Variants in EOLA2 observed in about 807,000 individuals in gnomAD.
The protein encoded by EOLA2 is endothelium and lymphocyte associated ASCH domain 2.
Under a neutral mutation model 4.1 loss-of-function variants are expected in EOLA2, and 3 were observed. The ratio of observed to expected loss-of-function variants is 0.73; its 90% CI spans 0.33 to 1.89. The LOEUF is 1.89. Among genes scored for constraint, EOLA2 ranks in the 40% most tolerant of loss-of-function variants. EOLA2 has a pLI of 0.08. For synonymous variants in EOLA2, 52 were observed against 51.7 expected (o/e 1.01, Z -0.03); for missense variants, 109 against 126.4 (o/e 0.86, Z 0.66).
chrX:149,932,571 G>C lies in EOLA2; in HGVS notation c.450C>G (p.His150Gln), dbSNP rs2090891322. 2 of 1,206,164 alleles carry C rather than the reference G, an allele frequency of 1.7e-6. No homozygotes were observed. Among genetic ancestry groups the C allele is most frequent in the Non-Finnish European group, 2.2e-6 (2 of 892,801 alleles). The stretch of plus-strand genomic sequence containing the variant: ...ACACTTCATGCCCCAAAGGGATCAG[G>C]TGCTCTGGGATGTCTACCTGGAATA... ...KDVFQVDIPE[H>Q]LIPLGHEV The change falls in exon 5 of 5, where the codon CAC (histidine) becomes CAG (glutamine). Residue 150 changes from histidine (H) to glutamine (Q), a missense_variant. Transcript: ENST00000370406.
At chrX:149,934,397 G>C in intron 2 of EOLA2, 1 of 720,318 alleles carries the variant, frequency 1.4e-6, no homozygotes, top group Non-Finnish European at 1.6e-6. Flanking sequence ...CCTACTCCAG[G>C]GCTGCTGAGC....
At chrX:149,935,589 C>A (rs1391733072) in intron 2 of EOLA2, among the ~76,000 whole-genome samples, 1 of 88,234 alleles carries the variant, frequency 1.1e-5, no homozygotes, top group Non-Finnish European at 2.2e-5. Flanking sequence ...TCATGCCAGT[C>A]CTGTCTTCAT....
At chrX:149,931,537 T>G (rs2090872986), downstream of EOLA2, among the ~76,000 whole-genome samples, 1 of 99,199 alleles carries the variant, frequency 1.0e-5, no homozygotes, top group East Asian at 3.2e-4. Context: ...TCCGGCAATA[T>G]CTTCCTGTAT....
At chrX:149,931,839 T>TA (rs1321123828), downstream of EOLA2, among the ~76,000 whole-genome samples, 2 of 77,457 alleles carry the variant, frequency 2.6e-5, no homozygotes, top group Non-Finnish European at 5.3e-5. Flanking sequence ...TACTACAAAA[T>TA]AAAACAACAC....
chrX:149,937,649 T>C (rs1743444610), intron 1 of EOLA2, 169 bp from the exon 2 acceptor site: 1 of 113,838 alleles, frequency 8.8e-6, no homozygotes, highest in Non-Finnish European at 1.9e-5. Flanking sequence ...GTTCTGCTAA[T>C]CAGAGCGGTG....
At chrX:149,934,387 C>T (rs2090943011) in intron 2 of EOLA2, 3 of 696,653 alleles carry the variant, frequency 4.3e-6, no homozygotes, top group Non-Finnish European at 3.4e-6. Context: ...CTTCCCAGCT[C>T]CTACTCCAGG....
downstream of EOLA2, among the ~76,000 whole-genome samples, chrX:149,931,461 C>G (rs1366710437): frequency 9.3e-6 from 1 of 107,196 alleles, no homozygotes; most frequent in East Asian, 2.9e-4. Context: ...GTGTCGAGGC[C>G]AAGCCCAGGA....
At position 149,933,788 on chromosome X, in the gene EOLA2, A is replaced by T. The variant is rs626113; in HGVS notation, c.87T>A (p.Pro29=). The change falls in exon 4 of 5, where the codon CCT becomes CCA. Residue 29 remains proline, a synonymous_variant. Coordinates refer to ENST00000370406, the MANE Select transcript of EOLA2 (RefSeq NM_001013845.2). ...TACAGTTCCGCTGGCTGCTCAGCAG[A>T]GGACGCCAGCGCGTCTCCACAGTCT... ...GIKTVETRWR[P]LLSSQRNCTI... is the part of the protein sequence containing the mutation. 1.3e-5 allele frequency: 15 copies of T among 1,190,530 alleles called. No homozygotes were observed. The African/African-American group carries it at 1.9e-4, about 15-fold the overall frequency.
chrX:149,934,190 A>G, intron 2 of EOLA2, 53 bp from the exon 3 acceptor site: 1 of 934,570 alleles, frequency 1.1e-6, no homozygotes, highest in Non-Finnish European at 1.3e-6. Flanking sequence ...GACAGAGGTC[A>G]CCGAGCCCTA....
At chrX:149,934,334 A>G in intron 2 of EOLA2, 197 bp from the exon 3 acceptor site, 3 of 554,071 alleles carry the variant, frequency 5.4e-6, no homozygotes, top group Non-Finnish European at 4.4e-6. Flanking sequence ...GTGCCCTGCC[A>G]ATACTCTCAG....
intron 2 of EOLA2, 36 bp from the exon 3 acceptor site, chrX:149,934,173 G>A: frequency 3.0e-6 from 3 of 983,748 alleles, no homozygotes; most frequent in Non-Finnish European, 3.9e-6. Context: ...CATGTGGTCA[G>A]TGCTATGACA....
chrX:149,936,635 GAACA>G (rs2091004870), intron 2 of EOLA2, among the ~76,000 whole-genome samples: 1 of 97,472 alleles, frequency 1.0e-5, no homozygotes, highest in African/African-American at 3.8e-5. Context: ...ACAGCCCACA[GAACA>G]AACGAACCTG....
rs1234203504 is a variant in EOLA2 at position 149,932,651 on chromosome X, TCA to T, written c.368_369del (p.Val123AspfsTer13). ...TCCAGTAACCACCTGGGGTTTGAAATCACAGTCAGGTACTTCTGCTTCAGGTT... is the reference window on the plus strand; with the variant it reads ...TCCAGTAACCACCTGGGGTTTGAAATCAGTCAGGTACTTCTGCTTCAGGTT... ...LTNLKQKYLT[V>X]ISNPRWLLEP... On this transcript the variant is annotated frameshift_variant, in exon 5 of 5. Coordinates refer to ENST00000370406, the MANE Select transcript of EOLA2 (RefSeq NM_001013845.2). LOFTEE classifies it low-confidence loss of function (END_TRUNC). 2.5e-6 allele frequency: 3 copies of T among 1,204,597 alleles called. No individual in the cohort carries two copies. The highest frequency in any genetic ancestry group is 4.4e-5 in the Admixed American group (2 of 45,333).
chrX:149,931,519 C>T (rs1400417748), downstream of EOLA2, among the ~76,000 whole-genome samples: 10 of 101,717 alleles, frequency 9.8e-5, no homozygotes, highest in African/African-American at 1.8e-4. Context: ...AAAGAATAGA[C>T]GCCTGATTCC....
intron 1 of EOLA2, among the ~76,000 whole-genome samples, chrX:149,937,817 G>C (rs2091038096): frequency 8.9e-6 from 1 of 112,729 alleles, no homozygotes; most frequent in African/African-American, 3.2e-5. Flanking sequence ...GGGTTTGGGG[G>C]GCCTAAATCC....
intron 1 of EOLA2, among the ~76,000 whole-genome samples, chrX:149,937,697 G>A (rs1386653958): frequency 8.9e-6 from 1 of 112,575 alleles, no homozygotes; most frequent in African/African-American, 3.2e-5. Flanking sequence ...GGGTGCACCA[G>A]TCCGCAGAGC....
At chrX:149,931,290 G>A (rs1471738074), downstream of EOLA2, 3 of 377,246 alleles carry the variant, frequency 8.0e-6, no homozygotes, top group Non-Finnish European at 8.1e-6. Flanking sequence ...AATGAGAACT[G>A]TTGTCTGTGT....
chrX:149,932,890 CAAG>C, intron 4 of EOLA2, 123 bp from the exon 5 acceptor site: 2 of 798,672 alleles, frequency 2.5e-6, no homozygotes, highest in Non-Finnish European at 1.7e-6. Flanking sequence ...AGCAAAATGA[CAAG>C]AAGGGAGTCA....
In EOLA2 at chrX:149,935,047, T is replaced by G. The variant is rs189976282; in HGVS notation, c.-162-910A>C. Among the ~76,000 whole-genome samples the G allele has an allele frequency of 1.1e-3, 123 of 111,847 alleles. 2 individuals carry two copies. The East Asian group carries it at 0.032, about 29-fold the overall frequency. ...GGCCCGTGGCCCCGCCCCCTGGCCC[T>G]GAACTCCACCCTTGAGCTGCCCCTA... On this transcript the variant is annotated intron_variant, in intron 2 of 4. Coordinates refer to ENST00000370406, the MANE Select transcript of EOLA2 (RefSeq NM_001013845.2).
Sources: allele counts gnomAD v4.1 joint callset (sites outside exome capture counted in the v4.1 genomes callset), GRCh38; gene constraint gnomAD v4.1.1; transcripts MANE v1.5; gene names NCBI Gene and HGNC (gene_info 2026-07-23, HGNC 2026-07-21).